GPD1L: variants seen among roughly 807,000 people sequenced by gnomAD.
The protein encoded by GPD1L is glycerol-3-phosphate dehydrogenase 1 like, also known as glycerol-3-phosphate dehydrogenase 1-like protein.
Under a neutral mutation model 32.9 loss-of-function variants are expected in GPD1L, and 17 were observed. That is an observed-to-expected ratio of 0.52 (90% CI 0.35 to 0.78). The LOEUF is 0.78. Ranked by LOEUF, GPD1L falls within the 30% of genes least tolerant of loss-of-function variation. GPD1L has a pLI of 0.01. For missense variants in GPD1L, 361 were observed against 447.8 expected (o/e 0.81, Z 1.75); for synonymous variants, 187 against 165.9 (o/e 1.13, Z -0.98).
At position 32,138,611 on chromosome 3, in the gene GPD1L, G is replaced by T. The variant is rs1179793171; in HGVS notation, c.250G>T (p.Ala84Ser). 1 of 1,614,042 alleles carries T rather than the reference G, an allele frequency of 6.2e-7. No individual in the cohort carries two copies. The highest frequency in any genetic ancestry group is 8.5e-7 in the Non-Finnish European group (1 of 1,179,934). The change falls in exon 3 of 8, where the codon GCT becomes TCT. Residue 84 changes from alanine (A) to serine (S), a missense_variant. By Grantham distance (99) the Ala-to-Ser change is moderately conservative (BLOSUM62 1). Transcript: ENST00000282541. ...NVVAMSNLSE[A>S]VQDADLLVFV... ...GGTTGCCATGTCAAATCTTAGCGAGGCTGTGCAGGATGCAGACCTGCTGGT... is the reference window on the plus strand; with the variant it reads ...GGTTGCCATGTCAAATCTTAGCGAGTCTGTGCAGGATGCAGACCTGCTGGT...
Position 32,167,391 on chromosome 3 carries a change from A to T in GPD1L, c.*1481A>T, listed in dbSNP as rs1701163533. The T allele has an allele frequency of 6.6e-6, 1 of 152,610 alleles. No individual in the cohort carries two copies. Among genetic ancestry groups the T allele is most frequent in the African/African-American group, 2.4e-5 (1 of 41,454 alleles). 9.5% of individuals were successfully genotyped at this position (152,610 alleles called of 1,614,324 possible). On this transcript the variant is annotated 3_prime_UTR_variant, in exon 8 of 8. Coordinates refer to ENST00000282541, the MANE Select transcript of GPD1L (RefSeq NM_015141.4). The stretch of plus-strand genomic sequence containing the variant: ...TCTAGGCTTAGGTGACCTTAGGATC[A>T]CTCAAGTAGACCCTTCACTCCCTGC...
At chr3:32,148,297 AG>A (rs1425145735) in intron 5 of GPD1L, among the ~76,000 whole-genome samples, 1 of 152,122 alleles carries the variant, frequency 6.6e-6, no homozygotes, top group Non-Finnish European at 1.5e-5. Context: ...GCTTTGGAAA[AG>A]CTTCTGCTAA....
intron 7 of GPD1L, among the ~76,000 whole-genome samples, chr3:32,161,143 C>T (rs1701069204): frequency 6.6e-6 from 1 of 152,174 alleles, no homozygotes; most frequent in South Asian, 2.1e-4. Flanking sequence ...CCCAGTCATG[C>T]ATCTTTACCT....
At chr3:32,161,855 T>A (rs184445770) in intron 7 of GPD1L, among the ~76,000 whole-genome samples, 25 of 152,324 alleles carry the variant, frequency 1.6e-4, no homozygotes, top group African/African-American at 6.0e-4. Flanking sequence ...ACCCTTCTCC[T>A]GGGCTGGAGT....
intron 2 of GPD1L, among the ~76,000 whole-genome samples, chr3:32,137,369 C>T (rs898900901): frequency 1.3e-5 from 2 of 152,120 alleles, no homozygotes; most frequent in Non-Finnish European, 2.9e-5. Flanking sequence ...TGTTTGATTC[C>T]ACTGTTCTGC....
At chr3:32,137,136 G>A (rs751117559) in intron 2 of GPD1L, among the ~76,000 whole-genome samples, 15 of 152,212 alleles carry the variant, frequency 9.9e-5, no homozygotes, top group African/African-American at 1.4e-4. Flanking sequence ...TCCGAATGAT[G>A]TTCCTGTGAC....
intron 1 of GPD1L, among the ~76,000 whole-genome samples, chr3:32,107,061 C>G (rs1451665860): frequency 6.6e-6 from 1 of 152,208 alleles, no homozygotes; most frequent in Non-Finnish European, 1.5e-5. Flanking sequence ...GCTTGCCACG[C>G]CTGGGTGTTT....
At chr3:32,134,051 T>C (rs540355869) in intron 2 of GPD1L, among the ~76,000 whole-genome samples, 2 of 152,358 alleles carry the variant, frequency 1.3e-5, no homozygotes, top group East Asian at 3.9e-4. Flanking sequence ...TGAGTTTTGC[T>C]TCCCAGCATA....
chr3:32,164,127 T>C (rs903485220), intron 7 of GPD1L, among the ~76,000 whole-genome samples: 6 of 152,190 alleles, frequency 3.9e-5, no homozygotes, highest in African/African-American at 1.4e-4. Flanking sequence ...TGACCAATTC[T>C]AGGTGAAAGG....
At chr3:32,119,698 G>A (rs763684722) in intron 1 of GPD1L, among the ~76,000 whole-genome samples, 1 of 152,194 alleles carries the variant, frequency 6.6e-6, no homozygotes, top group Non-Finnish European at 1.5e-5. Flanking sequence ...TCCCTGGGTG[G>A]TGAGATTATT....
rs542278532 is a variant in GPD1L at position 32,166,740 on chromosome 3, C to G, written c.*830C>G. 1 of 152,570 alleles carries G rather than the reference C, an allele frequency of 6.6e-6. No homozygotes were observed. The highest frequency in any genetic ancestry group is 1.9e-4 in the East Asian group (1 of 5,188). The allele number at this position is 152,570 out of a possible 1,614,324, so 9.5% of individuals were successfully genotyped here. A position where few individuals can be genotyped will look rare whatever the true frequency, so the allele number is the denominator to read the frequency against. On this transcript the variant is annotated 3_prime_UTR_variant, in exon 8 of 8. Coordinates refer to ENST00000282541, the MANE Select transcript of GPD1L (RefSeq NM_015141.4). ...CTACTGTTAGTCCTCTTGTTAGATG[C>G]AGTCACTCCTCCTGGTCACCTAGTG...
At chr3:32,147,421 T>C (rs886822748) in intron 5 of GPD1L, among the ~76,000 whole-genome samples, 1 of 152,214 alleles carries the variant, frequency 6.6e-6, no homozygotes, top group Non-Finnish European at 1.5e-5. Flanking sequence ...TATCTTTTTT[T>C]CCCCTCTTTT....
At chr3:32,129,282 A>C (rs758360811) in intron 2 of GPD1L, among the ~76,000 whole-genome samples, 9 of 152,200 alleles carry the variant, frequency 5.9e-5, no homozygotes, top group Non-Finnish European at 1.2e-4. Flanking sequence ...CTGTGCATGC[A>C]AAGCACCGTG....
intron 2 of GPD1L, among the ~76,000 whole-genome samples, chr3:32,132,397 G>A (rs1007724312): frequency 2.0e-5 from 3 of 152,132 alleles, no homozygotes; most frequent in Non-Finnish European, 4.4e-5. Context: ...TGCTTTTTAG[G>A]TGGTATCACA....
intron 1 of GPD1L, among the ~76,000 whole-genome samples, chr3:32,119,261 C>T (rs1372793135): frequency 6.6e-6 from 1 of 152,230 alleles, no homozygotes; most frequent in Non-Finnish European, 1.5e-5. Context: ...GATTTCTCTG[C>T]ATCCTTACCA....
intron 2 of GPD1L, among the ~76,000 whole-genome samples, chr3:32,128,657 T>C (rs1479703693): frequency 6.6e-6 from 1 of 152,178 alleles, no homozygotes; most frequent in Non-Finnish European, 1.5e-5. Context: ...TCATATTGGA[T>C]AAAGACCCAC....
At position 32,131,206 on chromosome 3, in the gene GPD1L, A is replaced by G. The variant is rs992447380; in HGVS notation, c.225+2953A>G. ...CCAGGATTTAGATTCCAGCACCCCC[A>G]TGAAATATAGTTGCCGTTGCCTCTC... On this transcript the variant is annotated intron_variant, in intron 2 of 7. Transcript: ENST00000282541. 3.3e-5 allele frequency among the ~76,000 whole-genome samples: 5 copies of G among 152,156 alleles called. No homozygotes were observed. The South Asian group carries it at 1.0e-3, about 32-fold the overall frequency.
chr3:32,159,465 T>TAA (rs35234737), intron 6 of GPD1L, 103 bp from the exon 7 acceptor site: 514 of 604,950 alleles, frequency 8.5e-4, no homozygotes, highest in Middle Eastern at 9.3e-4. Context: ...ACCCATTCTC[T>TAA]AAAAAAAAAA....
intron 1 of GPD1L, among the ~76,000 whole-genome samples, chr3:32,124,280 T>A (rs1439709839): frequency 6.6e-6 from 1 of 152,198 alleles, no homozygotes; most frequent in Non-Finnish European, 1.5e-5. Context: ...TTGGCCAGGA[T>A]GGTCTCAATC....
Sources: allele counts gnomAD v4.1 joint callset (sites outside exome capture counted in the v4.1 genomes callset), GRCh38; gene constraint gnomAD v4.1.1; transcripts MANE v1.5; gene names NCBI Gene and HGNC (gene_info 2026-07-23, HGNC 2026-07-21).